HERC1: variants seen among roughly 807,000 people sequenced by gnomAD.
HERC1 encodes probable E3 ubiquitin-protein ligase HERC1.
Under a neutral mutation model 554.3 loss-of-function variants are expected in HERC1, and 160 were observed. The observed-to-expected ratio is 0.29, with a 90% CI of 0.25 to 0.33. The LOEUF (loss-of-function observed/expected upper bound fraction) is 0.33, where lower values mean the gene tolerates loss of function less well. Ranked by LOEUF, HERC1 falls within the 10% of genes least tolerant of loss-of-function variation. HERC1 has a pLI of 1.00. For synonymous variants in HERC1, 2,175 were observed against 2,131.7 expected, an observed-to-expected ratio of 1.02 and a Z score of -0.56; for missense variants, 4,919 against 5,918.5, an observed-to-expected ratio of 0.83 and a Z score of 5.54.
rs938370726 is a variant in HERC1, at chr15:63,645,480, T to C, written c.11078+3A>G. On this transcript the variant is annotated splice_donor_region_variant and intron_variant, in intron 56 of 77. Coordinates refer to ENST00000443617, the MANE Select transcript of HERC1 (RefSeq NM_003922.4). ...GACGTATAGATGCAAATTGACAACA[T>C]ACGTAGCCATCAGTAACTGCAACTT... 5.6e-6 allele frequency: 9 copies of C among 1,606,736 alleles called. No individual in the cohort carries two copies. Among genetic ancestry groups the C allele is most frequent in the Admixed American group, 1.7e-5 (1 of 59,136 alleles).
intron 2 of HERC1, among the ~76,000 whole-genome samples, chr15:63,773,936 C>T (rs962178097): frequency 6.6e-6 from 1 of 152,142 alleles, no homozygotes; most frequent in Non-Finnish European, 1.5e-5. Flanking sequence ...TTATACTACG[C>T]TATTTTATTA....
At chr15:63,772,511 T>C (rs921333887) in intron 2 of HERC1, among the ~76,000 whole-genome samples, 3 of 150,704 alleles carry the variant, frequency 2.0e-5, no homozygotes, top group South Asian at 2.1e-4. Flanking sequence ...TGTTTTAATA[T>C]ATATATATTA....
chr15:63,659,723 G>C lies in HERC1; in HGVS notation c.9424+13C>G, dbSNP rs745860024. The C allele has an allele frequency of 1.3e-6, 2 of 1,588,192 alleles. No individual in the cohort carries two copies. The highest frequency in any genetic ancestry group is 1.3e-5 in the African/African-American group (1 of 74,494). ...ATGCTATAAAATCAATGCAAATCAGGATTTCAGTTTACCTATTTGCATCAG... is the reference window on the plus strand; with the variant it reads ...ATGCTATAAAATCAATGCAAATCAGCATTTCAGTTTACCTATTTGCATCAG... On this transcript the variant is annotated intron_variant, in intron 47 of 77. Coordinates refer to ENST00000443617, the MANE Select transcript of HERC1 (RefSeq NM_003922.4).
At chr15:63,783,768 G>C in intron 1 of HERC1, among the ~76,000 whole-genome samples, 1 of 152,108 alleles carries the variant, frequency 6.6e-6, no homozygotes, top group East Asian at 1.9e-4. Context: ...ACTCCCCAAA[G>C]AATAAAACTC....
At chr15:63,731,469 G>A (rs901842946) in intron 14 of HERC1, among the ~76,000 whole-genome samples, 2 of 151,974 alleles carry the variant, frequency 1.3e-5, no homozygotes, top group African/African-American at 4.8e-5. Flanking sequence ...CAACTTTGTT[G>A]TAACATTCCT....
chr15:63,814,764 C>T (rs561519585), intron 1 of HERC1, among the ~76,000 whole-genome samples: 10 of 152,290 alleles, frequency 6.6e-5, no homozygotes, highest in Middle Eastern at 6.8e-3. Flanking sequence ...CCACCACACA[C>T]GGCCAACATT....
intron 70 of HERC1, among the ~76,000 whole-genome samples, chr15:63,628,178 G>T (rs547725328): frequency 2.2e-4 from 34 of 152,260 alleles, no homozygotes; most frequent in Middle Eastern, 3.4e-3. Flanking sequence ...ATCACTGGAG[G>T]TCAGGAATTT....
At position 63,756,798 on chromosome 15, in the gene HERC1, A is replaced by G; in HGVS notation, c.1222-50T>C. ...AAAATACTTCTGTGAGTATCAAAGTATAATATTTAAGGCTGGTTTTATCAA... is the reference window on the plus strand; with the variant it reads ...AAAATACTTCTGTGAGTATCAAAGTGTAATATTTAAGGCTGGTTTTATCAA... On this transcript the variant is annotated intron_variant, in intron 4 of 77. Transcript: ENST00000443617. The surrounding 1 kb of genome is among the most constrained non-coding windows in gnomAD (Gnocchi z 5.0). The G allele has an allele frequency of 1.7e-6, 2 of 1,153,020 alleles. No homozygotes were observed. The highest frequency in any genetic ancestry group is 2.4e-6 in the Non-Finnish European group (2 of 832,170). 71.4% of individuals were successfully genotyped at this position (1,153,020 alleles called of 1,614,324 possible).
At chr15:63,827,062 C>T (rs970060776) in intron 1 of HERC1, among the ~76,000 whole-genome samples, 6 of 151,796 alleles carry the variant, frequency 4.0e-5, no homozygotes, top group Non-Finnish European at 8.8e-5. Context: ...TAAGAAACAA[C>T]CTAAATGCCC....
chr15:63,718,995 A>T lies in HERC1; in HGVS notation c.3743-98T>A. On this transcript the variant is annotated intron_variant, in intron 19 of 77. Coordinates refer to ENST00000443617, the MANE Select transcript of HERC1 (RefSeq NM_003922.4). This position sits in a 1 kb window ranked among gnomAD's most constrained non-coding sequence, Gnocchi z 4.2. ...AGTCATCCAACACCTGAATTTTATC[A>T]TCTTTCTAAACTGTTACTTAACAAA... 2.7e-6 allele frequency: 2 copies of T among 753,170 alleles called. No homozygotes were observed. Among genetic ancestry groups the T allele is most frequent in the Non-Finnish European group, 4.3e-6 (2 of 462,534 alleles). The allele number at this position is 753,170 out of a possible 1,614,324, so 46.7% of individuals were successfully genotyped here.
Position 63,678,181 on chromosome 15 carries a change from T to G in HERC1, c.6734A>C (p.Lys2245Thr). 1 of 1,613,964 alleles carries G rather than the reference T, an allele frequency of 6.2e-7. No individual in the cohort carries two copies. The highest frequency in any genetic ancestry group is 8.5e-7 in the Non-Finnish European group (1 of 1,179,868). Reference sequence around the variant, plus strand: ...CTGACCTGACTCTTTAATACATATCTTAATTTTGTGAAGCCTTTCCATCAT... The same window carrying G: ...CTGACCTGACTCTTTAATACATATCGTAATTTTGTGAAGCCTTTCCATCAT... Reference protein sequence around the residue: ...KKMMERLHKIKICIKESGQKL... With the variant: ...KKMMERLHKITICIKESGQKL... Residue 2245 changes from lysine to threonine, a missense_variant, in exon 37 of 78, where the codon AAG (lysine) becomes ACG (threonine). Transcript: ENST00000443617.
chr15:63,782,984 G>A (rs773472039), intron 1 of HERC1, among the ~76,000 whole-genome samples: 7 of 152,198 alleles, frequency 4.6e-5, no homozygotes, highest in Non-Finnish European at 1.0e-4. Context: ...TAACGGATGA[G>A]GAGTTGCTTC....
intron 1 of HERC1, among the ~76,000 whole-genome samples, chr15:63,788,027 G>A (rs2076514058): frequency 6.8e-6 from 1 of 146,996 alleles, no homozygotes; most frequent in South Asian, 2.2e-4. Flanking sequence ...TCATCAAATT[G>A]AACTCAAAGG....
chr15:63,622,622 C>A (rs1188032861), intron 74 of HERC1, among the ~76,000 whole-genome samples, 193 bp downstream of exon 74: 1 of 152,164 alleles, frequency 6.6e-6, no homozygotes, highest in Non-Finnish European at 1.5e-5. Flanking sequence ...CGTAAGCCAC[C>A]ATGCCTGGCC....
chr15:63,706,695 CTTAA>C lies in HERC1; in HGVS notation c.4636+81_4636+84del, dbSNP rs555915785. The C allele has an allele frequency of 1.3e-4, 94 of 746,686 alleles. 1 individual carries two copies. The South Asian group carries it at 2.2e-3, about 17-fold the overall frequency. 46.3% of individuals were successfully genotyped at this position (746,686 alleles called of 1,614,324 possible). On this transcript the variant is annotated intron_variant, in intron 25 of 77. Coordinates refer to ENST00000443617, the MANE Select transcript of HERC1 (RefSeq NM_003922.4). ...AATACATCAGATATAAAAACAGCTT[CTTAA>C]TTTATTTACTATGCTCTTTTTTTTT...
At chr15:63,785,602 C>T (rs1288781722) in intron 1 of HERC1, among the ~76,000 whole-genome samples, 3 of 151,972 alleles carry the variant, frequency 2.0e-5, no homozygotes. Flanking sequence ...AACCCCATCT[C>T]TACAAAAAAT....
chr15:63,737,756 G>A lies in HERC1; in HGVS notation c.2521-2907C>T, dbSNP rs927406336. Among the ~76,000 whole-genome samples, 12 of 151,276 alleles carry A rather than the reference G, an allele frequency of 7.9e-5. 1 individual carries two copies. Among genetic ancestry groups the A allele is most frequent in the African/African-American group, 2.9e-4 (12 of 41,196 alleles). On this transcript the variant is annotated intron_variant, in intron 12 of 77. Transcript: ENST00000443617. ...TCATTTTGAAATGTGAGAACACAAA[G>A]GACAAGAAGAACTTGCTATATAGCA...
chr15:63,693,245 T>A (rs2072220470), intron 30 of HERC1, among the ~76,000 whole-genome samples: 1 of 67,892 alleles, frequency 1.5e-5, no homozygotes, highest in South Asian at 3.3e-4. Flanking sequence ...AATTTTCTTT[T>A]TCTTTTTTTT....
In HERC1 at chr15:63,713,560, G is replaced by C. The variant is rs763565480; in HGVS notation, c.4256C>G (p.Pro1419Arg). 2.6e-5 allele frequency: 42 copies of C among 1,613,874 alleles called. No individual in the cohort carries two copies. The highest frequency in any genetic ancestry group is 2.6e-5 in the Non-Finnish European group (31 of 1,179,896). ...GACCCTTCGCTCTTGCTGAGACTGA[G>C]GAGGTGGATCATCAGCTCGAGCCCC... is the stretch of plus-strand genomic sequence containing the variant. Reference protein sequence around the residue: ...GSGARADDPPPQSQQERRVST... With the variant: ...GSGARADDPPRQSQQERRVST... The change falls in exon 23 of 78, where the codon CCT becomes CGT. Residue 1419 changes from proline to arginine, a missense_variant. Physicochemically the swap from Pro to Arg is moderately radical, Grantham distance 103 (BLOSUM62 -2). Coordinates refer to ENST00000443617, the MANE Select transcript of HERC1 (RefSeq NM_003922.4).
Sources: allele counts gnomAD v4.1 joint callset (sites outside exome capture counted in the v4.1 genomes callset), GRCh38; gene constraint gnomAD v4.1.1; non-coding constraint Gnocchi (gnomAD v3.1); transcripts MANE v1.5; gene names NCBI Gene and HGNC (gene_info 2026-07-23, HGNC 2026-07-21).